Variants in ICA1 observed in about 807,000 individuals in gnomAD.
ICA1 encodes islet cell autoantigen 1.
In ICA1, 40 loss-of-function variants were observed where a neutral mutation model predicts 71.0. The observed-to-expected ratio is 0.56, with a 90% CI of 0.44 to 0.73. The LOEUF (loss-of-function observed/expected upper bound fraction) is 0.73. ICA1 is among the 30% of genes least tolerant of loss of function. The pLI is 0.00. For synonymous variants in ICA1, 207 were observed against 209.5 expected (o/e 0.99, Z 0.10); for missense variants, 578 against 576.5 (o/e 1.00, Z -0.03).
rs1801183149 is a variant in ICA1, at chr7:8,234,356, G to A, written c.17+1554C>T. Reference sequence around the variant, plus strand: ...GGAGTTCCATCCCTCCCCTTGCTTCGTCCACATCCTCTTTGGACCTAGAGT... The same window carrying A: ...GGAGTTCCATCCCTCCCCTTGCTTCATCCACATCCTCTTTGGACCTAGAGT... On this transcript the variant is annotated intron_variant, in intron 2 of 13. Transcript: ENST00000402384. This position sits in a 1 kb window ranked among gnomAD's most constrained non-coding sequence, Gnocchi z 4.5. 6.6e-6 allele frequency among the ~76,000 whole-genome samples: 1 copy of A among 151,988 alleles called. No individual in the cohort carries two copies. The highest frequency in any genetic ancestry group is 1.5e-5 in the Non-Finnish European group (1 of 67,992).
At chr7:8,126,736 G>T (rs986305161) in intron 13 of ICA1, among the ~76,000 whole-genome samples, 4 of 152,104 alleles carry the variant, frequency 2.6e-5, no homozygotes, top group African/African-American at 4.8e-5. Context: ...AAAACAGTTT[G>T]ATAATTTCTT....
chr7:8,192,811 ATTT>A (rs1786144356), intron 6 of ICA1, among the ~76,000 whole-genome samples: 1 of 152,188 alleles, frequency 6.6e-6, no homozygotes, highest in Non-Finnish European at 1.5e-5. Context: ...TACTAAAATT[ATTT>A]ATTTAAATTA....
At chr7:8,145,131 C>T (rs759527373) in intron 8 of ICA1, among the ~76,000 whole-genome samples, 35 of 152,218 alleles carry the variant, frequency 2.3e-4, no homozygotes, top group African/African-American at 7.2e-4. Flanking sequence ...AAAACACCCA[C>T]GTCATCATGT....
chr7:8,258,892 C>T (rs375839436), intron 1 of ICA1, among the ~76,000 whole-genome samples: 2 of 152,204 alleles, frequency 1.3e-5, no homozygotes, highest in African/African-American at 4.8e-5. Context: ...CAGTCCTTAT[C>T]AGACAGATGG....
At chr7:8,198,750 C>T (rs1788536260) in intron 6 of ICA1, among the ~76,000 whole-genome samples, 1 of 152,138 alleles carries the variant, frequency 6.6e-6, no homozygotes, top group Admixed American at 6.5e-5. Flanking sequence ...TTTAGGTTTC[C>T]AGCCTCAGTG....
At chr7:8,154,226 T>C (rs1800702805) in intron 8 of ICA1, among the ~76,000 whole-genome samples, 1 of 152,204 alleles carries the variant, frequency 6.6e-6, no homozygotes, top group African/African-American at 2.4e-5. Flanking sequence ...ACTCAATTCA[T>C]CTTTATAATA....
chr7:8,129,802 A>G (rs1277973770), intron 12 of ICA1, among the ~76,000 whole-genome samples: 7 of 151,828 alleles, frequency 4.6e-5, no homozygotes, highest in Admixed American at 6.6e-5. Context: ...TGTTGCACCC[A>G]TTAACTCGTC....
Position 8,221,341 on chromosome 7 carries a change from T to C in ICA1, c.314A>G (p.Asp105Gly), listed in dbSNP as rs371321212. The C allele has an allele frequency of 8.7e-6, 14 of 1,613,630 alleles. No homozygotes were observed. The Admixed American group carries it at 1.0e-4, about 12-fold the overall frequency. The change falls in exon 5 of 14, where the codon GAT becomes GGT. Residue 105 changes from aspartate (D) to glycine (G), a missense_variant. Asp to Gly is a moderately conservative substitution (Grantham distance 94, BLOSUM62 -1). Transcript: ENST00000402384. ...GKFLRSQGFQ[D>G]KTRAGKMMQA... The stretch of plus-strand genomic sequence containing the variant: ...CATCATCTTTCCTGCTCTGGTTTTA[T>C]CTTGGAAACCTTGGGATCGAAGAAA...
chr7:8,129,047 T>A (rs1300582397), intron 12 of ICA1, among the ~76,000 whole-genome samples: 1 of 152,304 alleles, frequency 6.6e-6, no homozygotes, highest in South Asian at 2.1e-4. Flanking sequence ...AAGGCAGCCA[T>A]CCTTACATTA....
intron 6 of ICA1, among the ~76,000 whole-genome samples, chr7:8,204,660 G>T (rs1002077922): frequency 9.9e-5 from 15 of 152,224 alleles, no homozygotes; most frequent in African/African-American, 3.4e-4. Flanking sequence ...TATCTGCTGT[G>T]CTTTTGTACT....
intron 8 of ICA1, among the ~76,000 whole-genome samples, chr7:8,155,508 T>C (rs1801177124): frequency 6.6e-6 from 1 of 152,210 alleles, no homozygotes. Flanking sequence ...TGAATTCACA[T>C]TGTACTTTAT....
intron 4 of ICA1, among the ~76,000 whole-genome samples, chr7:8,221,780 C>G (rs770847818): frequency 3.3e-5 from 5 of 152,026 alleles, no homozygotes; most frequent in Admixed American, 6.6e-5. Flanking sequence ...TGCTAGCTGC[C>G]TCTCATTATT....
intron 4 of ICA1, chr7:8,227,763 T>C (rs1799072631): frequency 2.4e-6 from 1 of 412,396 alleles, no homozygotes. Context: ...GTTTTTATTT[T>C]TTGTAGAGAT....
rs148894322 is a variant in ICA1, at chr7:8,252,931, G to C, written c.-80+9163C>G. ...TTACTGTGTTGCCCAGGCTGGTCTT[G>C]AACTCCTAGGCTCAAACAATCCTCC... On this transcript the variant is annotated intron_variant, in intron 1 of 13. Transcript: ENST00000402384. 3.0e-3 allele frequency among the ~76,000 whole-genome samples: 459 copies of C among 152,064 alleles called. 2 individuals carry two copies. Among genetic ancestry groups the C allele is most frequent in the African/African-American group, 0.011 (444 of 41,496 alleles).
chr7:8,126,124 T>G (rs1222911481), intron 13 of ICA1, among the ~76,000 whole-genome samples: 1 of 152,222 alleles, frequency 6.6e-6, no homozygotes, highest in African/African-American at 2.4e-5. Flanking sequence ...TTACAATGAC[T>G]GACACTCAGC....
In ICA1 at chr7:8,226,533, T is replaced by C. The variant is rs1798660974; in HGVS notation, c.256+2068A>G. ...CTTAAAAGCATATCCTCCAAATCAC[T>C]CCATATTAGTTCACAGATTTTCCTC... On this transcript the variant is annotated intron_variant, in intron 4 of 13. Transcript: ENST00000402384. This position sits in a 1 kb window ranked among gnomAD's most constrained non-coding sequence, Gnocchi z 4.4. Among the ~76,000 whole-genome samples the C allele has an allele frequency of 6.6e-6, 1 of 152,164 alleles. No individual in the cohort carries two copies. Among genetic ancestry groups the C allele is most frequent in the Admixed American group, 6.6e-5 (1 of 15,266 alleles).
Position 8,198,472 on chromosome 7 carries a change from GT to G in ICA1, c.579+19832del, listed in dbSNP as rs542013357. Reference sequence around the variant, plus strand: ...TGTTGAGGAGCTTGAACTCAATCCTGTGGCCTTGGCAGTTACTTTGCAGAGA... The same window carrying G: ...TGTTGAGGAGCTTGAACTCAATCCTGGGCCTTGGCAGTTACTTTGCAGAGA... On this transcript the variant is annotated intron_variant, in intron 6 of 13. Coordinates refer to ENST00000402384, the MANE Select transcript of ICA1 (RefSeq NM_001136020.3). Among the ~76,000 whole-genome samples, 198 of 152,290 alleles carry G rather than the reference GT, an allele frequency of 1.3e-3. 1 individual carries two copies. The highest frequency in any genetic ancestry group is 4.6e-3 in the African/African-American group (192 of 41,544).
At chr7:8,141,970 TGCCAATTTGCTG>T in intron 9 of ICA1, 153 bp from the exon 10 acceptor site, 1 of 1,507,134 alleles carries the variant, frequency 6.6e-7, no homozygotes, top group Non-Finnish European at 8.9e-7. Context: ...GTCATTTACA[TGCCAATTTGCTG>T]GCCTTCTTTC....
intron 13 of ICA1, among the ~76,000 whole-genome samples, chr7:8,120,835 C>G (rs1330107155): frequency 6.6e-6 from 1 of 152,224 alleles, no homozygotes; most frequent in Non-Finnish European, 1.5e-5. Flanking sequence ...AAGGACACCG[C>G]CCAGAGCTGC....
Sources: allele counts gnomAD v4.1 joint callset (sites outside exome capture counted in the v4.1 genomes callset), GRCh38; gene constraint gnomAD v4.1.1; non-coding constraint Gnocchi (gnomAD v3.1); transcripts MANE v1.5; gene names NCBI Gene and HGNC (gene_info 2026-07-23, HGNC 2026-07-21).